Variants in PDE4D observed in about 807,000 individuals in gnomAD.
PDE4D encodes 3',5'-cyclic-AMP phosphodiesterase 4D.
A neutral mutation model predicts 87.4 loss-of-function variants in PDE4D; 24 were observed. The ratio of observed to expected loss-of-function variants is 0.27; its 90% CI spans 0.20 to 0.39. The LOEUF (loss-of-function observed/expected upper bound fraction) is 0.39, where lower values mean the gene tolerates loss of function less well. PDE4D is among the 10% of genes least tolerant of loss of function. PDE4D has a pLI of 1.00. For missense variants in PDE4D, 714 were observed against 1,041.0 expected, an observed-to-expected ratio of 0.69 and a Z score of 4.32; for synonymous variants, 384 against 383.2, an observed-to-expected ratio of 1.00 and a Z score of -0.02.
intron 1 of PDE4D, chr5:60,521,362 A>T (rs1583981243): frequency 6.6e-6 from 1 of 152,338 alleles, no homozygotes; most frequent in South Asian, 2.1e-4. Flanking sequence ...ATTTTATTAG[A>T]AAAAACAGAC....
chr5:60,149,706 G>A (rs1452164257), intron 2 of PDE4D, among the ~76,000 whole-genome samples: 5 of 151,612 alleles, frequency 3.3e-5, no homozygotes, highest in Non-Finnish European at 7.4e-5. Flanking sequence ...GACACAGAGT[G>A]AAAGTTTATG....
Position 60,101,141 on chromosome 5 carries a change from A to T in PDE4D, c.42+84416T>A, listed in dbSNP as rs529381529. On this transcript the variant is annotated intron_variant, in intron 2 of 16. Coordinates refer to the PDE4D transcript ENST00000502484. Reference sequence around the variant, plus strand: ...TGCAGCAGCAAGGCAGAAGTCAGGGAATCTTCCTTGGTTGGAGGCTTTAGA... The same window carrying T: ...TGCAGCAGCAAGGCAGAAGTCAGGGTATCTTCCTTGGTTGGAGGCTTTAGA... Among the ~76,000 whole-genome samples, 496 of 152,164 alleles carry T rather than the reference A, an allele frequency of 3.3e-3. 3 individuals are homozygous for T. The highest frequency in any genetic ancestry group is 5.5e-3 in the Non-Finnish European group (371 of 67,956).
chr5:59,251,031 G>A (rs1341590730), intron 1 of PDE4D, among the ~76,000 whole-genome samples: 1 of 152,084 alleles, frequency 6.6e-6, no homozygotes, highest in Non-Finnish European at 1.5e-5. Context: ...AAAAATTCAA[G>A]ATGGATTAAA....
chr5:60,401,259 A>G (rs780710823), intron 1 of PDE4D, among the ~76,000 whole-genome samples: 2 of 152,238 alleles, frequency 1.3e-5, no homozygotes, highest in African/African-American at 4.8e-5. Flanking sequence ...TTCATGCTCC[A>G]TACAGTACAG....
rs1388758594 is a variant in PDE4D, at chr5:58,970,840, TAAAAAA to T, written c.*3818_*3823del. On this transcript the variant is annotated 3_prime_UTR_variant, in exon 15 of 15. Coordinates refer to ENST00000340635, the MANE Select transcript of PDE4D (RefSeq NM_001104631.2). ...ATGAGCTCTAGAAGCCAAAAGGACT[TAAAAAA>T]AAGAAAAAGATTGTTTATAATCACT... 2 of 147,762 alleles carry T rather than the reference TAAAAAA, an allele frequency of 1.4e-5. No individual in the cohort carries two copies. The highest frequency in any genetic ancestry group is 6.8e-5 in the Admixed American group (1 of 14,714). The allele number at this position is 147,762 out of a possible 1,614,324, so 9.2% of individuals were successfully genotyped here. A position where few individuals can be genotyped will look rare whatever the true frequency, so the allele number is the denominator to read the frequency against.
chr5:60,407,770 T>A (rs1462253851), intron 1 of PDE4D, among the ~76,000 whole-genome samples: 1 of 152,030 alleles, frequency 6.6e-6, no homozygotes, highest in Non-Finnish European at 1.5e-5. Flanking sequence ...TTACTTTTAA[T>A]GGCAAAAACC....
intron 2 of PDE4D, among the ~76,000 whole-genome samples, chr5:60,160,121 G>A (rs1196808949): frequency 3.3e-5 from 5 of 151,764 alleles, no homozygotes; most frequent in African/African-American, 1.2e-4. Context: ...CTTAATGAAT[G>A]GTAAATATCT....
intron 5 of PDE4D, among the ~76,000 whole-genome samples, chr5:59,090,189 A>G (rs1185781653): frequency 6.6e-6 from 1 of 152,198 alleles, no homozygotes; most frequent in Admixed American, 6.5e-5. Flanking sequence ...GTAAAAGCAT[A>G]TAAAGTTTCA....
At chr5:59,524,508 T>G (rs183311187) in intron 1 of PDE4D, among the ~76,000 whole-genome samples, 2 of 152,118 alleles carry the variant, frequency 1.3e-5, no homozygotes, top group African/African-American at 4.8e-5. Context: ...AAGCACACCA[T>G]AAAAGTTTGA....
At chr5:59,133,396 T>C (rs1319227283) in intron 5 of PDE4D, among the ~76,000 whole-genome samples, 1 of 152,124 alleles carries the variant, frequency 6.6e-6, no homozygotes, top group Non-Finnish European at 1.5e-5. Context: ...TTGGAGTCCA[T>C]AGAGTCGTGA....
chr5:59,345,400 T>C (rs1227212883), intron 1 of PDE4D, among the ~76,000 whole-genome samples: 1 of 152,180 alleles, frequency 6.6e-6, no homozygotes, highest in African/African-American at 2.4e-5. Context: ...ATGATTACTA[T>C]TGGTTTGAAA....
At chr5:60,111,556 G>A (rs1211366637) in intron 2 of PDE4D, among the ~76,000 whole-genome samples, 1 of 151,850 alleles carries the variant, frequency 6.6e-6, no homozygotes, top group South Asian at 2.1e-4. Flanking sequence ...TTTTCACTAC[G>A]ATGTCCTATT....
At chr5:59,462,259 T>C (rs1269651151) in intron 1 of PDE4D, among the ~76,000 whole-genome samples, 1 of 152,136 alleles carries the variant, frequency 6.6e-6, no homozygotes, top group African/African-American at 2.4e-5. Context: ...TATTATATCA[T>C]CCACCAATTG....
chr5:59,114,118 T>C (rs1036440898), intron 5 of PDE4D, among the ~76,000 whole-genome samples: 2 of 152,196 alleles, frequency 1.3e-5, no homozygotes, highest in African/African-American at 4.8e-5. Context: ...AAATAACTGC[T>C]AGAACATGAG....
At chr5:59,044,130 C>T (rs921960113) in intron 5 of PDE4D, among the ~76,000 whole-genome samples, 3 of 152,236 alleles carry the variant, frequency 2.0e-5, no homozygotes, top group South Asian at 4.1e-4. Flanking sequence ...GGAATCGCCA[C>T]ACTGTCTTCC....
chr5:60,403,650 G>C (rs1038796993), intron 1 of PDE4D, among the ~76,000 whole-genome samples: 5 of 152,336 alleles, frequency 3.3e-5, no homozygotes, highest in African/African-American at 7.2e-5. Flanking sequence ...AGGGAAACTA[G>C]AGCTAATAGA....
intron 1 of PDE4D, among the ~76,000 whole-genome samples, chr5:59,285,188 T>C (rs558135344): frequency 4.3e-5 from 5 of 115,914 alleles, no homozygotes; most frequent in African/African-American, 7.4e-5. Flanking sequence ...AATGTGCACA[T>C]GTACCCTAAA....
chr5:59,008,216 T>C (rs1752037367), intron 6 of PDE4D, among the ~76,000 whole-genome samples: 1 of 152,006 alleles, frequency 6.6e-6, no homozygotes, highest in African/African-American at 2.4e-5. Context: ...TGAAAAAGTA[T>C]TGTCTCCTTA....
chr5:59,279,137 A>G (rs1031716341), intron 1 of PDE4D, among the ~76,000 whole-genome samples: 1 of 152,066 alleles, frequency 6.6e-6, no homozygotes, highest in Non-Finnish European at 1.5e-5. Context: ...ATACTTTCCA[A>G]TCTATCATGA....
Sources: allele counts gnomAD v4.1 joint callset (sites outside exome capture counted in the v4.1 genomes callset), GRCh38; gene constraint gnomAD v4.1.1; transcripts MANE v1.5; gene names NCBI Gene and HGNC (gene_info 2026-07-23, HGNC 2026-07-21).